The following DOCK1 variants were observed in gnomAD, a reference collection of about 807,000 sequenced individuals.
DOCK1 encodes the protein dedicator of cytokinesis protein 1.
A neutral mutation model predicts 262.7 loss-of-function variants in DOCK1; 138 were observed. The ratio of observed to expected loss-of-function variants is 0.53; its 90% CI spans 0.46 to 0.61. The LOEUF is 0.61. Among genes scored for constraint, DOCK1 ranks in the 20% least tolerant of loss-of-function variants. The pLI is 0.00. For missense variants in DOCK1, 1,908 were observed against 2,370.7 expected, an observed-to-expected ratio of 0.80 and a Z score of 4.05; for synonymous variants, 866 against 867.4, an observed-to-expected ratio of 1.00 and a Z score of 0.03.
In DOCK1 at chr10:127,134,988, G is replaced by A. The variant is rs114443860; in HGVS notation, c.2847+7224G>A. ...GAGGGGAAGAAGAAAGGAAGGAGGC[G>A]GCTGATCCCTTGAGGCTGGGGATGT... On this transcript the variant is annotated intron_variant, in intron 27 of 51. Transcript: ENST00000623213. Among the ~76,000 whole-genome samples, 1,150 of 152,250 alleles carry A rather than the reference G, an allele frequency of 7.6e-3. 12 individuals are homozygous for A. Among genetic ancestry groups the A allele is most frequent in the African/African-American group, 0.027 (1,106 of 41,550 alleles).
intron 27 of DOCK1, chr10:127,146,054 G>A (rs1373763799): frequency 1.2e-5 from 6 of 518,240 alleles, no homozygotes; most frequent in Admixed American, 5.8e-5. Flanking sequence ...CCTAGACATC[G>A]TGGCCAGGAC....
At chr10:127,451,071 G>T (rs538599459) in intron 51 of DOCK1, among the ~76,000 whole-genome samples, 1 of 152,114 alleles carries the variant, frequency 6.6e-6, no homozygotes, top group Admixed American at 6.5e-5. Context: ...AAAAGGCCAC[G>T]CAAAGGGCAA....
At chr10:127,053,233 T>G (rs1378557027) in intron 22 of DOCK1, among the ~76,000 whole-genome samples, 1 of 152,126 alleles carries the variant, frequency 6.6e-6, no homozygotes, top group Non-Finnish European at 1.5e-5. Flanking sequence ...TCCCAGCTAC[T>G]TGGGAGGCTG....
chr10:127,446,182 G>A lies in DOCK1; in HGVS notation c.5414-1212G>A, dbSNP rs532197659. The stretch of plus-strand genomic sequence containing the variant: ...GGAGAATCACTTGAACCTGGGAGGC[G>A]GAGGTTGCAGTGAGCTGAGATCGCA... On this transcript the variant is annotated intron_variant, in intron 50 of 51. Coordinates refer to ENST00000623213, the MANE Select transcript of DOCK1 (RefSeq NM_001290223.2). The surrounding 1 kb of genome is among the most constrained non-coding windows in gnomAD (Gnocchi z 4.4). Among the ~76,000 whole-genome samples the A allele has an allele frequency of 1.1e-4, 16 of 152,074 alleles. No homozygotes were observed. Among genetic ancestry groups the A allele is most frequent in the Admixed American group, 7.2e-4 (11 of 15,270 alleles).
rs373010176 is a variant in DOCK1 at position 127,172,445 on chromosome 10, T to A, written c.2847+44681T>A. ...GCTGTACCCAGGGTCTGGGAAGGGATGGAGAATGAGCTTGCATCTTATCTG... is the reference window on the plus strand; with the variant it reads ...GCTGTACCCAGGGTCTGGGAAGGGAAGGAGAATGAGCTTGCATCTTATCTG... On this transcript the variant is annotated intron_variant, in intron 27 of 51. Transcript: ENST00000623213. 6.6e-5 allele frequency among the ~76,000 whole-genome samples: 10 copies of A among 152,266 alleles called. No individual in the cohort carries two copies. In the South Asian group the frequency reaches 1.9e-3, roughly 28 times the overall value.
chr10:127,399,738 A>G (rs547706967), intron 38 of DOCK1, among the ~76,000 whole-genome samples: 1 of 150,960 alleles, frequency 6.6e-6, no homozygotes, highest in Admixed American at 6.6e-5. Flanking sequence ...CAGAAAATTT[A>G]AAAAAAAATA....
At position 126,977,863 on chromosome 10, in the gene DOCK1, CAGTG is replaced by C. The variant is rs774201138; in HGVS notation, c.131-81_131-78del. 3.0e-6 allele frequency: 4 copies of C among 1,351,764 alleles called. No individual in the cohort carries two copies. In the East Asian group the frequency reaches 7.0e-5, roughly 23 times the overall value. 83.7% of individuals were successfully genotyped at this position (1,351,764 alleles called of 1,614,324 possible). ...AACTGACCTCACTGGTTCTGCCAAA[CAGTG>C]AGTTCTACACATCATGAATGTATTG... On this transcript the variant is annotated intron_variant, in intron 2 of 51. Coordinates refer to ENST00000623213, the MANE Select transcript of DOCK1 (RefSeq NM_001290223.2).
chr10:126,939,075 C>T (rs927682838), intron 1 of DOCK1, among the ~76,000 whole-genome samples: 199 of 145,130 alleles, frequency 1.4e-3, no homozygotes, highest in South Asian at 5.1e-3. Context: ...GGACGAACAC[C>T]GGAGGGGACG....
In DOCK1 at chr10:127,110,326, C is replaced by T. The variant is rs35102871; in HGVS notation, c.2595C>T (p.Ile865=). The part of the protein sequence containing the change: ...TIQKLYCLIE[I]VHSDLFTQHD... ...AGAAACTCTACTGCTTGATCGAAAT[C>T]GTCCACAGTGACCTCTTCACACAGC... The change falls in exon 25 of 52, where the codon ATC becomes ATT. Residue 865 remains isoleucine, a synonymous_variant. Coordinates refer to ENST00000623213, the MANE Select transcript of DOCK1 (RefSeq NM_001290223.2). 9.9e-6 allele frequency: 16 copies of T among 1,613,366 alleles called. No individual in the cohort carries two copies. Among genetic ancestry groups the T allele is most frequent in the South Asian group, 4.4e-5 (4 of 90,794 alleles).
At chr10:127,008,298 A>G (rs1192157310) in intron 10 of DOCK1, among the ~76,000 whole-genome samples, 5 of 152,082 alleles carry the variant, frequency 3.3e-5, no homozygotes, top group Non-Finnish European at 7.4e-5. Context: ...GGGTTTTGTC[A>G]TGTTACCCAG....
chr10:126,997,499 G>A (rs1018698043), intron 7 of DOCK1, among the ~76,000 whole-genome samples: 1 of 18,880 alleles, frequency 5.3e-5, no homozygotes, highest in Non-Finnish European at 1.1e-4. Flanking sequence ...GAGGGTGTGC[G>A]GGGGGGTGCT....
rs149903647 is a variant in DOCK1 at position 127,333,060 on chromosome 10, G to A, written c.3045-5946G>A. On this transcript the variant is annotated intron_variant, in intron 29 of 51. Coordinates refer to ENST00000623213, the MANE Select transcript of DOCK1 (RefSeq NM_001290223.2). The stretch of plus-strand genomic sequence containing the variant: ...GTGTTGCTAGACTCATTTTTCTGCA[G>A]GGATGGAGGAATGTGTCACTTTTAA... 2.0e-5 allele frequency among the ~76,000 whole-genome samples: 3 copies of A among 151,064 alleles called. No individual in the cohort carries two copies. In the East Asian group the frequency reaches 5.8e-4, roughly 29 times the overall value.
rs932529711 is a variant in DOCK1 at position 126,956,867 on chromosome 10, A to G, written c.47-13835A>G. On this transcript the variant is annotated intron_variant, in intron 1 of 51. Coordinates refer to ENST00000623213, the MANE Select transcript of DOCK1 (RefSeq NM_001290223.2). ...GCCAGGCTGGTCTGCAGAGTTCCAG[A>G]GATTTTGCCTGAGCAGTGGGGGGCC... 3.4e-3 allele frequency among the ~76,000 whole-genome samples: 517 copies of G among 151,530 alleles called. 3 individuals carry two copies. Among genetic ancestry groups the G allele is most frequent in the African/African-American group, 0.012 (486 of 40,876 alleles).
intron 27 of DOCK1, among the ~76,000 whole-genome samples, chr10:127,190,712 C>T (rs2056688067): frequency 1.6e-5 from 2 of 124,856 alleles, no homozygotes; most frequent in African/African-American, 6.3e-5. Context: ...ATTTCTGTTG[C>T]CATTAAAATC....
At position 127,254,525 on chromosome 10, in the gene DOCK1, G is replaced by A. The variant is rs879390914; in HGVS notation, c.2950-2810G>A. Among the ~76,000 whole-genome samples, 27 of 152,212 alleles carry A rather than the reference G, an allele frequency of 1.8e-4. 1 individual carries two copies. The highest frequency in any genetic ancestry group is 5.5e-4 in the African/African-American group (23 of 41,444). On this transcript the variant is annotated intron_variant, in intron 28 of 51. Coordinates refer to ENST00000623213, the MANE Select transcript of DOCK1 (RefSeq NM_001290223.2). ...CTTGTCATGCTGACCCACTACTGGCGATGCTGAATTTCACCACTGGGTTCA... is the reference window on the plus strand; with the variant it reads ...CTTGTCATGCTGACCCACTACTGGCAATGCTGAATTTCACCACTGGGTTCA...
rs754326476 is a variant in DOCK1, at chr10:127,026,404, G to A, written c.1604G>A (p.Arg535His). The A allele has an allele frequency of 3.2e-6, 5 of 1,579,562 alleles. No individual in the cohort carries two copies. The highest frequency in any genetic ancestry group is 1.3e-5 in the African/African-American group (1 of 74,224). The change falls in exon 16 of 52, where the codon CGC (arginine) becomes CAC (histidine). Residue 535 changes from arginine to histidine, a missense_variant. By Grantham distance (29) the Arg-to-His change is conservative (BLOSUM62 0). Transcript: ENST00000623213. ...CGCAGTCACCTTCGGTTTACCTTCC[G>A]CCACAGGTCATCACAGGACTGTGAG... ...VNRSHLRFTFRHRSSQDSKDK... is the reference protein window; with the variant it reads ...VNRSHLRFTFHHRSSQDSKDK...
chr10:127,325,855 C>CTA (rs1221852178), intron 29 of DOCK1, among the ~76,000 whole-genome samples: 7 of 152,134 alleles, frequency 4.6e-5, no homozygotes, highest in African/African-American at 1.4e-4. Flanking sequence ...TCAGTCAAAG[C>CTA]TATATATTCA....
chr10:127,352,950 G>C (rs2063956540), intron 31 of DOCK1, among the ~76,000 whole-genome samples: 2 of 152,140 alleles, frequency 1.3e-5, no homozygotes, highest in African/African-American at 4.8e-5. Context: ...GTGTAGCTGG[G>C]ATGTGAGAAG....
chr10:127,219,876 C>T (rs2058359783), intron 27 of DOCK1, among the ~76,000 whole-genome samples: 1 of 152,210 alleles, frequency 6.6e-6, no homozygotes, highest in Admixed American at 6.5e-5. Flanking sequence ...CAGCCCACAT[C>T]TTCAGCAGGT....
Sources: allele counts gnomAD v4.1 joint callset (sites outside exome capture counted in the v4.1 genomes callset), GRCh38; gene constraint gnomAD v4.1.1; non-coding constraint Gnocchi (gnomAD v3.1); transcripts MANE v1.5; gene names NCBI Gene and HGNC (gene_info 2026-07-23, HGNC 2026-07-21).